CATSPERE: variants seen among roughly 807,000 people sequenced by gnomAD.
CATSPERE encodes the protein cation channel sperm-associated auxiliary subunit epsilon.
A neutral mutation model predicts 114.1 loss-of-function variants in CATSPERE; 93 were observed. The ratio of observed to expected loss-of-function variants is 0.81; its 90% CI spans 0.69 to 0.97. CATSPERE has a LOEUF of 0.97. Ranked by LOEUF, CATSPERE falls within the 50% of genes least tolerant of loss-of-function variation. CATSPERE has a pLI of 0.00. For missense variants in CATSPERE, 1,058 were observed against 1,131.6 expected (o/e 0.93, Z 0.93); for synonymous variants, 341 against 384.1 (o/e 0.89, Z 1.31).
In CATSPERE at chr1:244,580,916, G is replaced by A. The variant is rs567797241; in HGVS notation, c.1951-880G>A. ...CTCGGGAGGCTGAGACAGGAGAATC[G>A]CTTGAACCTGGGAGGTGGAGGTTGT... On this transcript the variant is annotated intron_variant, in intron 11 of 21. Coordinates refer to ENST00000366534, the MANE Select transcript of CATSPERE (RefSeq NM_001130957.2). Among the ~76,000 whole-genome samples, 63 of 152,122 alleles carry A rather than the reference G, an allele frequency of 4.1e-4. 1 individual carries two copies. Among genetic ancestry groups the A allele is most frequent in the African/African-American group, 1.3e-3 (56 of 41,502 alleles).
Position 244,617,673 on chromosome 1 carries a change from G to A in CATSPERE, c.2635G>A (p.Asp879Asn). The A allele has an allele frequency of 6.5e-7, 1 of 1,537,272 alleles. No individual in the cohort carries two copies. Residue 879 changes from aspartate (D) to asparagine (N), a missense_variant, in exon 20 of 22, where the codon GAT becomes AAT. Asp to Asn is a conservative substitution (Grantham distance 23). Around this residue, in one of 2 missense-constraint regions of CATSPERE, gnomAD observed 787 missense variants for 905.6 expected, o/e 0.87. Coordinates refer to ENST00000366534, the MANE Select transcript of CATSPERE (RefSeq NM_001130957.2). ...GMYVFRVKIL[D>N]PNYSFCNLTA... ...GTATGTATTTCGTGTGAAGATCCTG[G>A]ATCCAAACTATAGGTGAATATATGT...
intron 5 of CATSPERE, among the ~76,000 whole-genome samples, chr1:244,480,138 T>C (rs549882151): frequency 3.3e-5 from 5 of 152,246 alleles, no homozygotes; most frequent in Non-Finnish European, 5.9e-5. Context: ...CATTGAGATT[T>C]GACCCTGGTT....
At chr1:244,518,558 A>G (rs1333921579) in intron 7 of CATSPERE, 34 bp from the exon 8 acceptor site, 2 of 1,278,680 alleles carry the variant, frequency 1.6e-6, no homozygotes, top group Non-Finnish European at 2.3e-6. Flanking sequence ...AGCTATGAAA[A>G]TAATAAAAAA....
intron 12 of CATSPERE, among the ~76,000 whole-genome samples, chr1:244,583,114 T>G (rs757616382): frequency 5.9e-5 from 9 of 152,088 alleles, no homozygotes; most frequent in Non-Finnish European, 1.2e-4. Flanking sequence ...CTAGGTTCCT[T>G]TGGATATTTA....
At chr1:244,569,226 G>A (rs965527549) in intron 10 of CATSPERE, among the ~76,000 whole-genome samples, 6 of 152,180 alleles carry the variant, frequency 3.9e-5, no homozygotes, top group Admixed American at 6.5e-5. Flanking sequence ...CCAGTGAGAC[G>A]ACGCCCCACC....
intron 7 of CATSPERE, among the ~76,000 whole-genome samples, chr1:244,505,234 G>A (rs1674647977): frequency 6.6e-6 from 1 of 152,066 alleles, no homozygotes. Context: ...TATAATTCCT[G>A]CATCATAGCA....
intron 8 of CATSPERE, among the ~76,000 whole-genome samples, chr1:244,534,896 T>C (rs912024915): frequency 2.6e-5 from 4 of 152,204 alleles, no homozygotes; most frequent in African/African-American, 9.6e-5. Context: ...GAGGTTGTCT[T>C]TACCTATCCT....
chr1:244,535,159 G>C (rs944845764), intron 8 of CATSPERE, among the ~76,000 whole-genome samples: 1 of 152,154 alleles, frequency 6.6e-6, no homozygotes, highest in African/African-American at 2.4e-5. Flanking sequence ...CTGGGGGAGG[G>C]GTGACACAGC....
Position 244,578,234 on chromosome 1 carries a change from A to G in CATSPERE, c.1951-3562A>G, listed in dbSNP as rs558325579. 2.1e-4 allele frequency among the ~76,000 whole-genome samples: 32 copies of G among 151,946 alleles called. 1 individual carries two copies. The South Asian group carries it at 6.1e-3, about 29-fold the overall frequency. ...AGCGGTGTGATCTTGGCTCACCACAACCTCCACCTCCTGGTTCAATTGATC... is the reference window on the plus strand; with the variant it reads ...AGCGGTGTGATCTTGGCTCACCACAGCCTCCACCTCCTGGTTCAATTGATC... On this transcript the variant is annotated intron_variant, in intron 11 of 21. Transcript: ENST00000366534.
At chr1:244,629,614 G>A (rs1673667898) in intron 20 of CATSPERE, among the ~76,000 whole-genome samples, 1 of 147,894 alleles carries the variant, frequency 6.8e-6, no homozygotes, top group Non-Finnish European at 1.5e-5. Flanking sequence ...GATTACAGGT[G>A]TGAGCCAGCA....
chr1:244,544,219 C>T (rs1454298746), intron 8 of CATSPERE, among the ~76,000 whole-genome samples: 2 of 152,172 alleles, frequency 1.3e-5, no homozygotes, highest in Admixed American at 1.3e-4. Flanking sequence ...CCCAGCCTAC[C>T]TCAAAGGGAC....
intron 17 of CATSPERE, among the ~76,000 whole-genome samples, chr1:244,600,191 G>A (rs951662723): frequency 4.6e-5 from 7 of 152,166 alleles, no homozygotes; most frequent in Non-Finnish European, 7.3e-5. Flanking sequence ...ACTCTCAGAA[G>A]CGAAGAGAGA....
At position 244,572,687 on chromosome 1, in the gene CATSPERE, T is replaced by C. The variant is rs765297058; in HGVS notation, c.1865T>C (p.Ile622Thr). 19 of 1,613,936 alleles carry C rather than the reference T, an allele frequency of 1.2e-5. No individual in the cohort carries two copies. Among genetic ancestry groups the C allele is most frequent in the South Asian group, 2.2e-5 (2 of 91,036 alleles). Residue 622 changes from isoleucine to threonine, a missense_variant, in exon 11 of 22, where the codon ATT becomes ACT. Transcript: ENST00000366534. The part of the protein sequence containing the change: ...VYPENTGLYV[I>T]VESYGPKILQ... ...CCAGAAAACACTGGTCTGTATGTTA[T>C]TGTGGAATCTTATGGCCCAAAAATA...
At chr1:244,560,610 T>C (rs1662411980) in intron 9 of CATSPERE, 58 bp from the exon 10 acceptor site, 1 of 951,978 alleles carries the variant, frequency 1.1e-6, no homozygotes, top group Non-Finnish European at 1.5e-6. Flanking sequence ...AAAAGAGAAA[T>C]TGTTAGGCCC....
At chr1:244,512,914 G>C (rs2148336634) in intron 7 of CATSPERE, among the ~76,000 whole-genome samples, 1 of 152,262 alleles carries the variant, frequency 6.6e-6, no homozygotes, top group Admixed American at 6.5e-5. Flanking sequence ...GCTATGGTGG[G>C]GCTTTGTTGG....
At chr1:244,618,205 C>T (rs1671636741) in intron 20 of CATSPERE, among the ~76,000 whole-genome samples, 1 of 152,166 alleles carries the variant, frequency 6.6e-6, no homozygotes, top group African/African-American at 2.4e-5. Flanking sequence ...GAGACAGACG[C>T]TTCCAGTGAA....
At chr1:244,547,449 A>G (rs3003230) in intron 8 of CATSPERE, among the ~76,000 whole-genome samples, 132,325 of 152,162 alleles carry the variant, frequency 0.87, 58,522 homozygotes, top group East Asian at 1. Flanking sequence ...TGGTTTGTAA[A>G]TCACTTACTG....
At chr1:244,543,331 C>A (rs1431624698) in intron 8 of CATSPERE, among the ~76,000 whole-genome samples, 1 of 151,990 alleles carries the variant, frequency 6.6e-6, no homozygotes, top group Admixed American at 6.6e-5. Context: ...CTGTCACGTG[C>A]AACAACATAG....
chr1:244,602,930 G>A (rs1669471881), intron 17 of CATSPERE, among the ~76,000 whole-genome samples: 2 of 152,184 alleles, frequency 1.3e-5, no homozygotes, highest in South Asian at 2.1e-4. Flanking sequence ...AAACATCAGG[G>A]TCAGTCAGGA....
Sources: allele counts gnomAD v4.1 joint callset (sites outside exome capture counted in the v4.1 genomes callset), GRCh38; gene constraint gnomAD v4.1.1; regional missense constraint gnomAD v4.1.1; transcripts MANE v1.5; gene names NCBI Gene and HGNC (gene_info 2026-07-23, HGNC 2026-07-21).